TMEM232: variants seen among roughly 807,000 people sequenced by gnomAD.
TMEM232 encodes transmembrane protein 232.
Under a neutral mutation model 78.8 loss-of-function variants are expected in TMEM232, and 80 were observed. The observed-to-expected ratio is 1.01, with a 90% confidence interval of 0.85 to 1.22. The LOEUF is 1.22. Among genes scored for constraint, TMEM232 ranks in the 50% most tolerant of loss-of-function variants. The pLI is 0.00. For missense variants in TMEM232, 881 were observed against 742.2 expected, an observed-to-expected ratio of 1.19 and a Z score of -2.17; for synonymous variants, 297 against 254.3, an observed-to-expected ratio of 1.17 and a Z score of -1.60.
Position 110,605,457 on chromosome 5 carries a change from CTAATA to C in TMEM232, c.1027-104_1027-100del, listed in dbSNP as rs1196192885. Reference sequence around the variant, plus strand: ...ATAATTGTTAAAAGACCATAATAAACTAATATATCTAAATGTGTTCATTAAAAAAT... The same window carrying C: ...ATAATTGTTAAAAGACCATAATAAACTATCTAAATGTGTTCATTAAAAAAT... On this transcript the variant is annotated intron_variant, in intron 9 of 13. Coordinates refer to ENST00000455884, the MANE Select transcript of TMEM232 (RefSeq NM_001039763.4). The C allele has an allele frequency of 3.0e-6, 4 of 1,324,214 alleles. No homozygotes were observed. The South Asian group carries it at 4.9e-5, about 16-fold the overall frequency. The allele number at this position is 1,324,214 out of a possible 1,614,324, so 82.0% of individuals were successfully genotyped here.
intron 12 of TMEM232, among the ~76,000 whole-genome samples, chr5:110,487,425 G>A (rs1430470687): frequency 2.0e-5 from 3 of 151,928 alleles, no homozygotes; most frequent in Non-Finnish European, 1.5e-5. Context: ...TTCCCCATTC[G>A]GTATTATGTT....
chr5:110,641,134 T>C (rs1392041732), intron 3 of TMEM232, 138 bp from the exon 4 acceptor site: 2 of 498,752 alleles, frequency 4.0e-6, no homozygotes, highest in Admixed American at 4.3e-5. Flanking sequence ...TACAATTTTA[T>C]ATTTTTGCTT....
chr5:110,477,087 C>T (rs1763334833), intron 12 of TMEM232, among the ~76,000 whole-genome samples: 1 of 151,876 alleles, frequency 6.6e-6, no homozygotes, highest in Admixed American at 6.6e-5. Flanking sequence ...AAACCTGAGG[C>T]CTGTTTCAGA....
At chr5:110,439,281 CAACTT>C (rs1463608852) in intron 12 of TMEM232, among the ~76,000 whole-genome samples, 24 of 152,140 alleles carry the variant, frequency 1.6e-4, no homozygotes, top group African/African-American at 5.8e-4. Flanking sequence ...AACTTGCTCT[CAACTT>C]GACTATTATT....
intron 1 of TMEM232, among the ~76,000 whole-genome samples, chr5:110,685,908 A>T (rs993328312): frequency 2.6e-5 from 4 of 152,146 alleles, no homozygotes; most frequent in African/African-American, 4.8e-5. Flanking sequence ...TGTACATACT[A>T]TGTGATTTCA....
At chr5:110,506,882 C>CA (rs979678843) in intron 12 of TMEM232, among the ~76,000 whole-genome samples, 4 of 151,560 alleles carry the variant, frequency 2.6e-5, no homozygotes, top group African/African-American at 7.2e-5. Flanking sequence ...ATATATTCTC[C>CA]AAAAAAAAGC....
At chr5:110,603,242 TA>T (rs1781171173) in intron 10 of TMEM232, among the ~76,000 whole-genome samples, 1 of 152,086 alleles carries the variant, frequency 6.6e-6, no homozygotes, top group Non-Finnish European at 1.5e-5. Context: ...GGCACATGTA[TA>T]CCTATGTAAC....
intron 12 of TMEM232, among the ~76,000 whole-genome samples, chr5:110,441,511 T>C (rs1216163283): frequency 6.6e-6 from 1 of 152,200 alleles, no homozygotes; most frequent in African/African-American, 2.4e-5. Flanking sequence ...CTCCTAGAAC[T>C]CATGCCCTTG....
At chr5:110,725,924 A>G (rs913981471) in intron 1 of TMEM232, 1 of 86,858 alleles carries the variant, frequency 1.2e-5, no homozygotes. Flanking sequence ...AAATTATTTG[A>G]CCAACCAAAT....
chr5:110,554,387 C>T lies in TMEM232; in HGVS notation c.1455+14060G>A, dbSNP rs140808454. ...ACTCAGACTGACTCTCCTTGTTCCTCAGCCTACAGGTGGCCTGTTGTGGGA... is the reference window on the plus strand; with the variant it reads ...ACTCAGACTGACTCTCCTTGTTCCTTAGCCTACAGGTGGCCTGTTGTGGGA... On this transcript the variant is annotated intron_variant, in intron 11 of 13. Coordinates refer to ENST00000455884, the MANE Select transcript of TMEM232 (RefSeq NM_001039763.4). Among the ~76,000 whole-genome samples the T allele has an allele frequency of 3.7e-4, 57 of 152,256 alleles. 1 individual carries two copies. The highest frequency in any genetic ancestry group is 3.4e-3 in the Middle Eastern group (1 of 294).
intron 2 of TMEM232, among the ~76,000 whole-genome samples, chr5:110,659,227 G>T (rs12109121): frequency 0.012 from 1,799 of 152,076 alleles, 45 homozygotes; most frequent in African/African-American, 0.041. Context: ...TAGGATTATC[G>T]GTATAAAGTA....
intron 10 of TMEM232, among the ~76,000 whole-genome samples, chr5:110,592,318 G>C (rs1048460410): frequency 1.3e-5 from 2 of 152,126 alleles, no homozygotes. Flanking sequence ...TTTTCAACAT[G>C]TTATCAACTT....
intron 1 of TMEM232, among the ~76,000 whole-genome samples, chr5:110,706,908 G>A (rs1450370754): frequency 6.6e-6 from 1 of 152,018 alleles, no homozygotes; most frequent in Non-Finnish European, 1.5e-5. Flanking sequence ...GAGAACAAGG[G>A]CATTTCAGAA....
chr5:110,423,781 G>GTGTGTA (rs1756935788), intron 13 of TMEM232, among the ~76,000 whole-genome samples: 1 of 71,178 alleles, frequency 1.4e-5, no homozygotes, highest in Admixed American at 1.4e-4. Context: ...TTATGCGTGC[G>GTGTGTA]TGTGTGTGTG....
chr5:110,721,848 T>C (rs940922647), intron 1 of TMEM232, among the ~76,000 whole-genome samples: 1 of 150,870 alleles, frequency 6.6e-6, no homozygotes, highest in African/African-American at 2.4e-5. Flanking sequence ...AATCCCAGGG[T>C]GGCTTAGAAA....
At chr5:110,555,571 C>T (rs1022699498) in intron 11 of TMEM232, among the ~76,000 whole-genome samples, 2 of 152,018 alleles carry the variant, frequency 1.3e-5, no homozygotes, top group African/African-American at 4.8e-5. Context: ...AGTTTTCTGC[C>T]TTGATGATCT....
At chr5:110,579,544 G>A (rs1289219648) in intron 10 of TMEM232, among the ~76,000 whole-genome samples, 1 of 151,712 alleles carries the variant, frequency 6.6e-6, no homozygotes, top group Non-Finnish European at 1.5e-5. Context: ...GACATCATAA[G>A]CATAAAATGT....
intron 11 of TMEM232, among the ~76,000 whole-genome samples, chr5:110,564,329 T>C (rs1048218798): frequency 2.6e-5 from 4 of 151,936 alleles, no homozygotes; most frequent in Admixed American, 2.0e-4. Context: ...TAGGATGCCA[T>C]ATGGATAAAG....
At chr5:110,402,239 C>T (rs1755628546) in intron 2 of TMEM232, among the ~76,000 whole-genome samples, 1 of 152,056 alleles carries the variant, frequency 6.6e-6, no homozygotes, top group African/African-American at 2.4e-5. Context: ...ATTGCACTGC[C>T]TTACTGATCC....
Sources: gnomAD v4.1 joint callset for allele counts (sites outside exome capture counted in the v4.1 genomes callset) on GRCh38, gnomAD v4.1.1 for gene constraint, MANE v1.5 for transcripts, NCBI Gene and HGNC (gene_info 2026-07-23, HGNC 2026-07-21) for gene names.